The following TEC variants were observed in gnomAD, a reference collection of about 807,000 sequenced individuals.
TEC encodes the protein tyrosine-protein kinase Tec.
Under a neutral mutation model 93.0 loss-of-function variants are expected in TEC, and 72 were observed. That is an observed-to-expected ratio of 0.77 (90% CI 0.64 to 0.94). The LOEUF (loss-of-function observed/expected upper bound fraction) is 0.94, where lower values mean the gene tolerates loss of function less well. Ranked by LOEUF, TEC falls within the 40% of genes least tolerant of loss-of-function variation. TEC has a pLI of 0.00. For missense variants in TEC, 630 were observed against 757.9 expected (o/e 0.83, Z 1.98); for synonymous variants, 249 against 247.7 (o/e 1.01, Z -0.05).
At chr4:48,162,674 G>A (rs1336551573) in intron 8 of TEC, among the ~76,000 whole-genome samples, 1 of 152,112 alleles carries the variant, frequency 6.6e-6, no homozygotes, top group South Asian at 2.1e-4. Flanking sequence ...TCCACTGAGC[G>A]CTGTGGCTTT....
At chr4:48,269,050 T>C (rs896779271) in intron 1 of TEC, among the ~76,000 whole-genome samples, 1 of 151,234 alleles carries the variant, frequency 6.6e-6, no homozygotes, top group Non-Finnish European at 1.5e-5. Flanking sequence ...AGTACATACA[T>C]TGGCCGGGCA....
intron 2 of TEC, among the ~76,000 whole-genome samples, chr4:48,202,101 C>T (rs1341120625): frequency 7.2e-5 from 11 of 151,900 alleles, no homozygotes; most frequent in Non-Finnish European, 1.5e-4. Flanking sequence ...GGACTACAGG[C>T]GCCCGTACTG....
chr4:48,231,814 G>C (rs534844969), intron 1 of TEC, among the ~76,000 whole-genome samples: 1 of 152,214 alleles, frequency 6.6e-6, no homozygotes, highest in South Asian at 2.1e-4. Flanking sequence ...CTCATAAACG[G>C]GCCATGTGTA....
intron 1 of TEC, among the ~76,000 whole-genome samples, chr4:48,232,083 G>A (rs1723662774): frequency 6.6e-6 from 1 of 152,098 alleles, no homozygotes; most frequent in Admixed American, 6.5e-5. Flanking sequence ...GAGGTCAGGG[G>A]TTCAAGACCA....
At position 48,228,636 on chromosome 4, in the gene TEC, C is replaced by T. The variant is rs748625203; in HGVS notation, c.-22G>A. On this transcript the variant is annotated 5_prime_UTR_variant, in exon 2 of 18. Transcript: ENST00000381501. The stretch of plus-strand genomic sequence containing the variant: ...TCATCTCCGTCTTCTGATTACTCCT[C>T]CTGCCACTGAAGATCCCAGTATTCT... 3 of 1,607,126 alleles carry T rather than the reference C, an allele frequency of 1.9e-6. No homozygotes were observed. The highest frequency in any genetic ancestry group is 2.2e-5 in the South Asian group (2 of 89,640).
intron 1 of TEC, among the ~76,000 whole-genome samples, chr4:48,248,640 T>C (rs543019182): frequency 3.3e-4 from 51 of 152,350 alleles, no homozygotes; most frequent in African/African-American, 1.0e-3. Context: ...GGCATGGGCC[T>C]AGGGGTCAGT....
chr4:48,235,506 T>C (rs1560420717), intron 1 of TEC, among the ~76,000 whole-genome samples: 1 of 152,188 alleles, frequency 6.6e-6, no homozygotes, highest in Non-Finnish European at 1.5e-5. Context: ...GAGAATCCCA[T>C]CTTCAAAGAA....
chr4:48,141,110 AAT>A (rs1426460185), intron 15 of TEC, among the ~76,000 whole-genome samples: 1 of 152,214 alleles, frequency 6.6e-6, no homozygotes, highest in Non-Finnish European at 1.5e-5. Flanking sequence ...CTCACCACCA[AAT>A]ATGTTTTTGT....
intron 8 of TEC, among the ~76,000 whole-genome samples, chr4:48,162,877 A>C (rs1265091256): frequency 6.6e-6 from 1 of 152,246 alleles, no homozygotes; most frequent in Non-Finnish European, 1.5e-5. Context: ...ACACACTGCT[A>C]GTGGGTATAT....
chr4:48,170,260 G>C lies in TEC; in HGVS notation c.442C>G (p.Leu148Val). 1.3e-6 allele frequency: 2 copies of C among 1,592,986 alleles called. No homozygotes were observed. The highest frequency in any genetic ancestry group is 1.7e-6 in the Non-Finnish European group (2 of 1,163,178). The change falls in exon 5 of 18, where the codon CTT becomes GTT. Residue 148 changes from leucine (L) to valine (V), a missense_variant. Transcript: ENST00000381501. ...KLAPGCEKYNLFESSIRKALP... is the reference protein window; with the variant it reads ...KLAPGCEKYNVFESSIRKALP... ...AATGAATACTTACTGCTCTCAAAAAGATTGTATTTTTCACATCCGGGTGCT... is the reference window on the plus strand; with the variant it reads ...AATGAATACTTACTGCTCTCAAAAACATTGTATTTTTCACATCCGGGTGCT...
At chr4:48,229,322 A>T (rs1225476264) in intron 1 of TEC, among the ~76,000 whole-genome samples, 1 of 152,238 alleles carries the variant, frequency 6.6e-6, no homozygotes, top group Non-Finnish European at 1.5e-5. Context: ...TGGATAAGAA[A>T]GTCTCAGCCC....
chr4:48,201,961 T>A (rs182836546), intron 2 of TEC, among the ~76,000 whole-genome samples: 11,971 of 146,056 alleles, frequency 0.082, 676 homozygotes, highest in East Asian at 0.32. Context: ...TATTTTTTTT[T>A]TTTTTTTTTT....
intron 8 of TEC, among the ~76,000 whole-genome samples, chr4:48,159,128 C>T (rs1037226025): frequency 4.0e-5 from 6 of 151,128 alleles, no homozygotes; most frequent in African/African-American, 1.5e-4. Flanking sequence ...ATTCTCCTGT[C>T]AGGAATAACT....
intron 2 of TEC, among the ~76,000 whole-genome samples, chr4:48,187,434 T>TAAAAAAAAAAAAA: frequency 7.4e-6 from 1 of 134,232 alleles, no homozygotes; most frequent in Non-Finnish European, 1.6e-5. Flanking sequence ...CAATAAATAC[T>TAAAAAAAAAAAAA]AAAAAAAAAA....
At chr4:48,163,901 A>C in intron 7 of TEC, 134 bp from the exon 8 acceptor site, 1 of 502,954 alleles carries the variant, frequency 2.0e-6, no homozygotes, top group South Asian at 3.0e-5. Context: ...CTGACCCCCC[A>C]AAATGCAGTA....
intron 2 of TEC, among the ~76,000 whole-genome samples, chr4:48,199,412 C>T (rs1200269773): frequency 6.7e-6 from 1 of 149,584 alleles, no homozygotes; most frequent in African/African-American, 2.4e-5. Flanking sequence ...AATCACTCAA[C>T]AACCACTGCA....
At chr4:48,188,523 T>A (rs964638459) in intron 2 of TEC, among the ~76,000 whole-genome samples, 2 of 152,164 alleles carry the variant, frequency 1.3e-5, no homozygotes, top group African/African-American at 4.8e-5. Context: ...TTCTTCCCAG[T>A]CATTCCAATA....
At chr4:48,153,597 A>C (rs1720268766) in intron 9 of TEC, 3 of 152,062 alleles carry the variant, frequency 2.0e-5, no homozygotes. Context: ...TTTATATTCT[A>C]CTGCTCAAAG....
chr4:48,205,649 C>A (rs1722692242), intron 2 of TEC, among the ~76,000 whole-genome samples: 1 of 140,220 alleles, frequency 7.1e-6, no homozygotes, highest in African/African-American at 2.5e-5. Flanking sequence ...CAATGAGATA[C>A]CACTTCACAC....
Sources: allele counts gnomAD v4.1 joint callset (sites outside exome capture counted in the v4.1 genomes callset), GRCh38; gene constraint gnomAD v4.1.1; transcripts MANE v1.5; gene names NCBI Gene and HGNC (gene_info 2026-07-23, HGNC 2026-07-21).